TSGA10: variants seen among roughly 807,000 people sequenced by gnomAD.
TSGA10 encodes testis specific 10.
In TSGA10, 43 loss-of-function variants were observed where a neutral mutation model predicts 96.6. The observed-to-expected ratio is 0.44, with a 90% CI of 0.35 to 0.57. The LOEUF is 0.57. Among genes scored for constraint, TSGA10 ranks in the 20% least tolerant of loss-of-function variants. The probability of loss-of-function intolerance (pLI) is 0.01; values close to 1 mark genes in which losing one functional copy is unlikely to be tolerated. For synonymous variants in TSGA10, 229 were observed against 269.9 expected, an observed-to-expected ratio of 0.85 and a Z score of 1.48; for missense variants, 703 against 834.4, an observed-to-expected ratio of 0.84 and a Z score of 1.94.
chr2:99,093,571 T>G (rs754122051), intron 10 of TSGA10, among the ~76,000 whole-genome samples: 4 of 152,008 alleles, frequency 2.6e-5, no homozygotes, highest in African/African-American at 9.7e-5. Context: ...ACAAAATCAA[T>G]GTACACAAAT....
At position 99,018,218 on chromosome 2, in the gene TSGA10, A is replaced by T; in HGVS notation, c.2054T>A (p.Leu685Gln). The change falls in exon 20 of 21, where the codon CTA becomes CAA. Residue 685 changes from leucine (L) to glutamine (Q), a missense_variant. This residue lies in a region of TSGA10 where 69 missense variants were observed against 81.3 expected (regional missense o/e 0.85). Coordinates refer to ENST00000393483, the MANE Select transcript of TSGA10 (RefSeq NM_025244.4). ...RAHHRSPDRG[L>Q]DRSLEENLCY... ...GACTCACTCTTCTAATGATCGATCT[A>T]GGCCTCGGTCAGGAGATCGATGGTG... 1 of 1,614,042 alleles carries T rather than the reference A, an allele frequency of 6.2e-7. No individual in the cohort carries two copies. The highest frequency in any genetic ancestry group is 8.5e-7 in the Non-Finnish European group (1 of 1,180,014).
At chr2:99,124,375 T>C (rs1040496618) in intron 2 of TSGA10, among the ~76,000 whole-genome samples, 4 of 152,188 alleles carry the variant, frequency 2.6e-5, no homozygotes, top group African/African-American at 9.7e-5. Flanking sequence ...ATTAAGCCCT[T>C]TTCAGATATG....
At chr2:99,104,452 C>A (rs1201187690) in intron 9 of TSGA10, among the ~76,000 whole-genome samples, 2 of 151,604 alleles carry the variant, frequency 1.3e-5, no homozygotes, top group Non-Finnish European at 2.9e-5. Flanking sequence ...ATTATGAAAA[C>A]AAAAATTATT....
intron 16 of TSGA10, among the ~76,000 whole-genome samples, chr2:99,062,611 T>C (rs759425731): frequency 6.6e-6 from 1 of 152,098 alleles, no homozygotes; most frequent in Non-Finnish European, 1.5e-5. Flanking sequence ...TGACTCACAC[T>C]TGTAGTGTTA....
intron 1 of TSGA10, among the ~76,000 whole-genome samples, chr2:99,130,783 T>C (rs1367175636): frequency 6.6e-6 from 1 of 152,236 alleles, no homozygotes; most frequent in Non-Finnish European, 1.5e-5. Context: ...TTAATACATC[T>C]TGAGTTAATT....
rs2090813482 is a variant in TSGA10 at position 99,102,019 on chromosome 2, C to T, written c.611+1948G>A. Reference sequence around the variant, plus strand: ...GATTATACACTTAAAATTTTGTTAACAGAATTAAAGAAGTACAGCCATGTT... The same window carrying T: ...GATTATACACTTAAAATTTTGTTAATAGAATTAAAGAAGTACAGCCATGTT... On this transcript the variant is annotated intron_variant, in intron 10 of 20. Coordinates refer to ENST00000393483, the MANE Select transcript of TSGA10 (RefSeq NM_025244.4). 3.8e-6 allele frequency: 5 copies of T among 1,309,690 alleles called. No homozygotes were observed. The East Asian group carries it at 1.2e-4, about 30-fold the overall frequency. The allele number at this position is 1,309,690 out of a possible 1,614,324, so 81.1% of individuals were successfully genotyped here. A position where few individuals can be genotyped will look rare whatever the true frequency, so the allele number is the denominator to read the frequency against.
At chr2:99,106,158 CAG>C (rs1041392793) in intron 7 of TSGA10, among the ~76,000 whole-genome samples, 4 of 152,166 alleles carry the variant, frequency 2.6e-5, no homozygotes, top group African/African-American at 7.2e-5. Flanking sequence ...GATAACCCAA[CAG>C]AGTCTCTGCA....
At position 99,020,091 on chromosome 2, in the gene TSGA10, G is replaced by A. The variant is rs142309188; in HGVS notation, c.1817+189C>T. On this transcript the variant is annotated intron_variant, in intron 18 of 20. Transcript: ENST00000393483. ...AACTCTGTTGGAAAGAATCAGTAGA[G>A]ATCATTAAACTTAAATTTAGATAAG... Among the ~76,000 whole-genome samples the A allele has an allele frequency of 2.0e-5, 3 of 152,182 alleles. No individual in the cohort carries two copies. The East Asian group carries it at 5.8e-4, about 29-fold the overall frequency.
chr2:99,150,451 C>A, intron 1 of TSGA10: 4 of 1,218,382 alleles, frequency 3.3e-6, no homozygotes, highest in Non-Finnish European at 4.6e-6. Context: ...ATTCCTGCTG[C>A]ATTCACTTGT....
chr2:99,070,475 T>G (rs1251757271), intron 14 of TSGA10, among the ~76,000 whole-genome samples: 1 of 152,160 alleles, frequency 6.6e-6, no homozygotes, highest in Non-Finnish European at 1.5e-5. Flanking sequence ...TTAAAATTTT[T>G]AAGTGCACTG....
chr2:99,002,901 C>A (rs1372607466), intron 20 of TSGA10, among the ~76,000 whole-genome samples: 2 of 151,850 alleles, frequency 1.3e-5, no homozygotes, highest in African/African-American at 2.4e-5. Context: ...ACTCTGTCGC[C>A]CAGGCTGGAG....
intron 2 of TSGA10, 190 bp downstream of exon 2, chr2:99,126,858 A>G (rs557632273): frequency 3.8e-4 from 137 of 363,250 alleles, no homozygotes; most frequent in Admixed American, 1.0e-3. Context: ...ACAACACTTG[A>G]CACGTAGTTT....
At chr2:99,118,778 T>G (rs1037417176) in intron 2 of TSGA10, 92 bp from the exon 3 acceptor site, 79 of 508,786 alleles carry the variant, frequency 1.6e-4, no homozygotes, top group Non-Finnish European at 1.9e-4. Flanking sequence ...GTTAGATACC[T>G]GCCCTCAGGG....
chr2:99,109,522 G>T lies in TSGA10; in HGVS notation c.-73-10C>A. 1 of 1,534,728 alleles carries T rather than the reference G, an allele frequency of 6.5e-7. No homozygotes were observed. The highest frequency in any genetic ancestry group is 8.8e-7 in the Non-Finnish European group (1 of 1,135,550). On this transcript the variant is annotated splice_polypyrimidine_tract_variant and intron_variant, in intron 5 of 20. Coordinates refer to ENST00000393483, the MANE Select transcript of TSGA10 (RefSeq NM_025244.4). ...GACAAAGGAATCAAGTCTAGAAGGA[G>T]ATTTATTTTGTGCTTTTTCAGTATC...
chr2:99,098,178 C>G (rs1388415641), intron 10 of TSGA10, among the ~76,000 whole-genome samples: 1 of 151,976 alleles, frequency 6.6e-6, no homozygotes, highest in Non-Finnish European at 1.5e-5. Flanking sequence ...TGGCTCACAC[C>G]TGTAATCCCA....
Position 99,069,016 on chromosome 2 carries a change from G to A in TSGA10, c.1108-18C>T. 3 of 1,326,682 alleles carry A rather than the reference G, an allele frequency of 2.3e-6. No individual in the cohort carries two copies. Among genetic ancestry groups the A allele is most frequent in the Middle Eastern group, 2.0e-4 (1 of 5,120 alleles). 82.2% of individuals were successfully genotyped at this position (1,326,682 alleles called of 1,614,324 possible). On this transcript the variant is annotated intron_variant, in intron 14 of 20. Coordinates refer to ENST00000393483, the MANE Select transcript of TSGA10 (RefSeq NM_025244.4). ...GACAGTGCCTACGAAAAAAAGATAG[G>A]TATATTTGACTATGAAAAATAAAAA...
At chr2:99,028,353 T>G (rs941209777) in intron 17 of TSGA10, among the ~76,000 whole-genome samples, 6 of 152,184 alleles carry the variant, frequency 3.9e-5, no homozygotes, top group African/African-American at 1.4e-4. Flanking sequence ...AAAAATTATA[T>G]ATACTTAAGG....
intron 13 of TSGA10, among the ~76,000 whole-genome samples, chr2:99,072,171 G>A (rs576930967): frequency 6.6e-6 from 1 of 152,214 alleles, no homozygotes; most frequent in Non-Finnish European, 1.5e-5. Flanking sequence ...TTATGGCTTA[G>A]TCTCCTTTAC....
intron 2 of TSGA10, chr2:99,118,907 T>C (rs1465373947): frequency 1.3e-5 from 2 of 152,486 alleles, no homozygotes; most frequent in African/African-American, 4.8e-5. Flanking sequence ...TCATTGTGTA[T>C]TTAACAAATA....
Sources: gnomAD v4.1 joint callset for allele counts (sites outside exome capture counted in the v4.1 genomes callset) on GRCh38, gnomAD v4.1.1 for gene constraint, gnomAD v4.1.1 regional missense constraint, MANE v1.5 for transcripts, NCBI Gene and HGNC (gene_info 2026-07-23, HGNC 2026-07-21) for gene names.